Variants in SLC22A15 observed in about 807,000 individuals in gnomAD.
SLC22A15 encodes flipt 1.
Under a neutral mutation model 62.7 loss-of-function variants are expected in SLC22A15, and 45 were observed. That is an observed-to-expected ratio of 0.72 (90% CI 0.56 to 0.92). The LOEUF (loss-of-function observed/expected upper bound fraction) is 0.92. Ranked by LOEUF, SLC22A15 falls within the 40% of genes least tolerant of loss-of-function variation. The probability of loss-of-function intolerance (pLI) is 0.00; values close to 1 mark genes in which losing one functional copy is unlikely to be tolerated. For synonymous variants in SLC22A15, 264 were observed against 267.0 expected (o/e 0.99, Z 0.11); for missense variants, 622 against 665.6 (o/e 0.93, Z 0.72).
At chr1:116,036,326 T>C (rs1320768009) in intron 7 of SLC22A15, among the ~76,000 whole-genome samples, 1 of 152,152 alleles carries the variant, frequency 6.6e-6, no homozygotes, top group African/African-American at 2.4e-5. Context: ...GGGGGTATCT[T>C]ATGTGTCTTT....
At chr1:116,016,403 GTT>G (rs965293966) in intron 2 of SLC22A15, among the ~76,000 whole-genome samples, 15 of 148,820 alleles carry the variant, frequency 1.0e-4, no homozygotes, top group African/African-American at 3.9e-4. Context: ...ATTTTTGTGT[GTT>G]TTGTATAGAC....
chr1:116,016,444 C>G (rs771774400), intron 2 of SLC22A15, among the ~76,000 whole-genome samples: 3 of 152,180 alleles, frequency 2.0e-5, no homozygotes, highest in Non-Finnish European at 4.4e-5. Flanking sequence ...CCAGGCTGCT[C>G]TTGAACTCCT....
intron 1 of SLC22A15, among the ~76,000 whole-genome samples, chr1:115,978,133 C>T (rs1654408426): frequency 1.3e-5 from 2 of 152,050 alleles, no homozygotes; most frequent in Admixed American, 1.3e-4. Context: ...TGAGAAAACC[C>T]TTTTTTTCTG....
intron 10 of SLC22A15, among the ~76,000 whole-genome samples, chr1:116,064,935 A>G (rs1483794807): frequency 6.6e-6 from 1 of 152,302 alleles, no homozygotes; most frequent in South Asian, 2.1e-4. Flanking sequence ...AGAGAGGTTA[A>G]ATACCTTCCC....
intron 9 of SLC22A15, 58 bp downstream of exon 9, chr1:116,062,940 G>A: frequency 6.3e-7 from 1 of 1,593,156 alleles, no homozygotes; most frequent in South Asian, 1.1e-5. Context: ...ATCCATTCTT[G>A]CACCAACAGA....
intron 8 of SLC22A15, among the ~76,000 whole-genome samples, chr1:116,043,847 T>C (rs946485892): frequency 6.6e-6 from 1 of 152,202 alleles, no homozygotes; most frequent in Non-Finnish European, 1.5e-5. Context: ...TAAATTCAAC[T>C]TAGGTAAAAT....
chr1:115,989,410 C>T (rs1292936191), intron 1 of SLC22A15, among the ~76,000 whole-genome samples: 1 of 152,096 alleles, frequency 6.6e-6, no homozygotes, highest in Non-Finnish European at 1.5e-5. Context: ...ATGGACCATG[C>T]CTCAGATTAG....
chr1:115,986,147 C>G (rs1424505387), intron 1 of SLC22A15, among the ~76,000 whole-genome samples: 1 of 151,800 alleles, frequency 6.6e-6, no homozygotes, highest in African/African-American at 2.4e-5. Context: ...CTGGCCTAGT[C>G]TTAATTAGTG....
At chr1:116,029,205 CTTAT>C (rs1205220310) in intron 5 of SLC22A15, among the ~76,000 whole-genome samples, 1 of 152,102 alleles carries the variant, frequency 6.6e-6, no homozygotes, top group Non-Finnish European at 1.5e-5. Context: ...CATTATATAC[CTTAT>C]TTGTTTACCA....
intron 8 of SLC22A15, among the ~76,000 whole-genome samples, chr1:116,041,661 C>T (rs554135591): frequency 6.6e-6 from 1 of 152,108 alleles, no homozygotes; most frequent in Non-Finnish European, 1.5e-5. Flanking sequence ...GAAATTGAAG[C>T]TTGGGGAAGC....
At chr1:116,035,113 C>T in intron 6 of SLC22A15, 74 bp from the exon 7 acceptor site, 12 of 1,478,950 alleles carry the variant, frequency 8.1e-6, no homozygotes, top group South Asian at 5.5e-5. Flanking sequence ...TGAATCTCCT[C>T]TGGCAAATTC....
chr1:116,011,884 G>T (rs1656279438), intron 2 of SLC22A15, among the ~76,000 whole-genome samples: 1 of 152,110 alleles, frequency 6.6e-6, no homozygotes, highest in Non-Finnish European at 1.5e-5. Flanking sequence ...TGAGAAATCT[G>T]TTTGCCTTTC....
At position 115,993,170 on chromosome 1, in the gene SLC22A15, G is replaced by T. The variant is rs147139926; in HGVS notation, c.300+927G>T. 3.4e-3 allele frequency among the ~76,000 whole-genome samples: 518 copies of T among 152,254 alleles called. 4 individuals are homozygous for T. Among genetic ancestry groups the T allele is most frequent in the African/African-American group, 0.012 (502 of 41,536 alleles). ...TGGTCAGCTGGAAGGCACTGGTGTT[G>T]GTTGTTAAAATGTAGAAATACTCTC... On this transcript the variant is annotated intron_variant, in intron 2 of 11. Transcript: ENST00000369503.
At chr1:116,015,935 C>T (rs893486200) in intron 2 of SLC22A15, among the ~76,000 whole-genome samples, 3 of 152,016 alleles carry the variant, frequency 2.0e-5, no homozygotes, top group Non-Finnish European at 4.4e-5. Context: ...AAAATGTTAC[C>T]GTAAGCATTC....
intron 4 of SLC22A15, among the ~76,000 whole-genome samples, chr1:116,024,266 G>C (rs1247895613): frequency 6.6e-6 from 1 of 152,124 alleles, no homozygotes; most frequent in Non-Finnish European, 1.5e-5. Flanking sequence ...AGTAGAGATG[G>C]GGAGAGCAAA....
At chr1:115,979,931 C>T (rs1654530467) in intron 1 of SLC22A15, among the ~76,000 whole-genome samples, 3 of 151,620 alleles carry the variant, frequency 2.0e-5, no homozygotes, top group Admixed American at 6.6e-5. Flanking sequence ...TGATGCTGTG[C>T]TATGAATCTC....
intron 10 of SLC22A15, among the ~76,000 whole-genome samples, chr1:116,064,952 A>G (rs148292324): frequency 5.9e-5 from 9 of 152,230 alleles, no homozygotes; most frequent in Non-Finnish European, 1.0e-4. Flanking sequence ...TCCCCCAAGA[A>G]CACACCTCCT....
At chr1:115,993,460 T>C (rs1655258569) in intron 2 of SLC22A15, among the ~76,000 whole-genome samples, 1 of 126,660 alleles carries the variant, frequency 7.9e-6, no homozygotes, top group South Asian at 2.4e-4. Flanking sequence ...TGTGTGTGTC[T>C]GTCTGTCTGT....
At chr1:115,982,108 A>G (rs774077530) in intron 1 of SLC22A15, among the ~76,000 whole-genome samples, 4 of 152,210 alleles carry the variant, frequency 2.6e-5, no homozygotes. Context: ...GTTTCAGAAT[A>G]CCAGCTTGGT....
Sources: gnomAD v4.1 joint callset for allele counts (sites outside exome capture counted in the v4.1 genomes callset) on GRCh38, gnomAD v4.1.1 for gene constraint, MANE v1.5 for transcripts, NCBI Gene and HGNC (gene_info 2026-07-23, HGNC 2026-07-21) for gene names.